The following DIP2C variants were observed in gnomAD, a reference collection of about 807,000 sequenced individuals.
DIP2C encodes disco-interacting protein 2 homolog C.
A neutral mutation model predicts 192.4 loss-of-function variants in DIP2C; 33 were observed. The observed-to-expected ratio is 0.17, with a 90% CI of 0.13 to 0.23. The LOEUF is 0.23. DIP2C is among the 10% of genes least tolerant of loss of function. The pLI, the probability that DIP2C is intolerant of heterozygous loss-of-function variation, is 1.00. For synonymous variants in DIP2C, 979 were observed against 864.1 expected, an observed-to-expected ratio of 1.13 and a Z score of -2.33; for missense variants, 1,537 against 2,110.1, an observed-to-expected ratio of 0.73 and a Z score of 5.32.
intron 1 of DIP2C, among the ~76,000 whole-genome samples, chr10:643,486 C>A (rs1354120271): frequency 1.3e-5 from 2 of 152,150 alleles, no homozygotes; most frequent in Non-Finnish European, 2.9e-5. Flanking sequence ...TGCACTCCAG[C>A]CTGGGTGACA....
At chr10:449,960 T>C (rs974772766) in intron 3 of DIP2C, among the ~76,000 whole-genome samples, 1 of 151,014 alleles carries the variant, frequency 6.6e-6, no homozygotes, top group Non-Finnish European at 1.5e-5. Flanking sequence ...CAAGATATCA[T>C]TGTGAGATTG....
chr10:338,752 C>T (rs1024216633), intron 29 of DIP2C, among the ~76,000 whole-genome samples: 2 of 152,164 alleles, frequency 1.3e-5, no homozygotes, highest in African/African-American at 4.8e-5. Context: ...GACTCCCCCA[C>T]GCTGCACCCT....
intron 1 of DIP2C, among the ~76,000 whole-genome samples, chr10:562,804 ACACT>A (rs1163821267): frequency 1.3e-5 from 2 of 152,248 alleles, no homozygotes; most frequent in Non-Finnish European, 2.9e-5. Context: ...TGGAGAGGAC[ACACT>A]CAACACAGAA....
In DIP2C at chr10:275,617, T is replaced by C. The variant is rs1482880145; in HGVS notation, c.*1708A>G. The C allele has an allele frequency of 6.6e-6, 1 of 151,894 alleles. No homozygotes were observed. The highest frequency in any genetic ancestry group is 1.5e-5 in the Non-Finnish European group (1 of 67,960). 9.4% of individuals were successfully genotyped at this position (151,894 alleles called of 1,614,324 possible). ...CAACATAATGAAAGATCATCTACAT[T>C]TTGCCCAGCATCAATCTTAGTCATG... On this transcript the variant is annotated 3_prime_UTR_variant, in exon 37 of 37. Coordinates refer to ENST00000280886, the MANE Select transcript of DIP2C (RefSeq NM_014974.3).
At chr10:650,724 C>T in intron 1 of DIP2C, 1 of 634,346 alleles carries the variant, frequency 1.6e-6, no homozygotes, top group South Asian at 1.9e-5. Context: ...GTGCTCTGGG[C>T]CGACCCCCCC....
intron 1 of DIP2C, among the ~76,000 whole-genome samples, chr10:619,529 G>GCCCT (rs1328461092): frequency 0.013 from 293 of 22,032 alleles, 3 homozygotes; most frequent in African/African-American, 0.058. Flanking sequence ...CCAGGACCAA[G>GCCCT]CCCGCCCGCC....
At chr10:448,578 T>TCAGGATCA (rs1309756788) in intron 3 of DIP2C, among the ~76,000 whole-genome samples, 1 of 125,174 alleles carries the variant, frequency 8.0e-6, no homozygotes, top group African/African-American at 3.0e-5. Context: ...CCGTTGATAC[T>TCAGGATCA]CAGGATCACA....
At chr10:395,517 C>A (rs1362271193) in intron 10 of DIP2C, among the ~76,000 whole-genome samples, 1 of 152,206 alleles carries the variant, frequency 6.6e-6, no homozygotes, top group Non-Finnish European at 1.5e-5. Flanking sequence ...CTGTACTTCA[C>A]CTGTGAAATC....
chr10:366,446 A>AGG (rs1312957668), intron 18 of DIP2C, 35 bp from the exon 19 acceptor site: 1 of 1,613,334 alleles, frequency 6.2e-7, no homozygotes, highest in Non-Finnish European at 8.5e-7. Flanking sequence ...GCAGTGTGAG[A>AGG]GGGGGCAGGT....
intron 1 of DIP2C, among the ~76,000 whole-genome samples, chr10:685,907 G>T (rs1230278896): frequency 1.3e-5 from 2 of 152,058 alleles, no homozygotes; most frequent in Non-Finnish European, 2.9e-5. Flanking sequence ...GTTGCAGTGA[G>T]TTGAGCTCAT....
intron 1 of DIP2C, among the ~76,000 whole-genome samples, chr10:656,005 G>A (rs1298873411): frequency 6.6e-6 from 1 of 151,024 alleles, no homozygotes; most frequent in Admixed American, 6.6e-5. Context: ...ACTATATAAT[G>A]TTACACTGTT....
At chr10:505,293 C>T (rs1217229266) in intron 1 of DIP2C, among the ~76,000 whole-genome samples, 2 of 151,860 alleles carry the variant, frequency 1.3e-5, no homozygotes, top group Admixed American at 6.6e-5. Flanking sequence ...CAGATATACA[C>T]GCAGGAGCTA....
At chr10:541,538 G>C (rs530985739) in intron 1 of DIP2C, among the ~76,000 whole-genome samples, 8 of 116,240 alleles carry the variant, frequency 6.9e-5, no homozygotes, top group East Asian at 2.6e-4. Flanking sequence ...ATCTCTCCTC[G>C]ACCCCACAGT....
At position 437,149 on chromosome 10, in the gene DIP2C, G is replaced by A. The variant is rs1284466276; in HGVS notation, c.394+3722C>T. On this transcript the variant is annotated intron_variant, in intron 4 of 36. Coordinates refer to ENST00000280886, the MANE Select transcript of DIP2C (RefSeq NM_014974.3). ...CGTCCACACCTGAGCTCTGAGCTCC[G>A]CCTCCTGGACATGGTAGGGTGATAT... is the stretch of plus-strand genomic sequence containing the variant. 3.5e-4 allele frequency among the ~76,000 whole-genome samples: 43 copies of A among 123,770 alleles called. 2 individuals carry two copies. Among genetic ancestry groups the A allele is most frequent in the African/African-American group, 1.0e-3 (29 of 28,994 alleles). 81.2% of individuals were successfully genotyped at this position (123,770 alleles called of 152,430 possible). A position where few individuals can be genotyped will look rare whatever the true frequency, so the allele number is the denominator to read the frequency against.
intron 1 of DIP2C, among the ~76,000 whole-genome samples, chr10:533,557 T>A (rs1847534658): frequency 6.6e-6 from 1 of 150,782 alleles, no homozygotes; most frequent in Non-Finnish European, 1.5e-5. Flanking sequence ...GGAAAACATC[T>A]CAGGACCCCA....
At chr10:579,975 TG>T (rs1850495577) in intron 1 of DIP2C, among the ~76,000 whole-genome samples, 1 of 151,644 alleles carries the variant, frequency 6.6e-6, no homozygotes, top group Non-Finnish European at 1.5e-5. Context: ...CCATAGCCAA[TG>T]TACATATACA....
At chr10:544,552 C>T (rs1412240178) in intron 1 of DIP2C, among the ~76,000 whole-genome samples, 1 of 152,216 alleles carries the variant, frequency 6.6e-6, no homozygotes, top group Non-Finnish European at 1.5e-5. Flanking sequence ...TCCCCTCCCA[C>T]TAGCAATATA....
intron 31 of DIP2C, among the ~76,000 whole-genome samples, chr10:326,390 G>A (rs1027969096): frequency 1.3e-5 from 2 of 152,086 alleles, no homozygotes; most frequent in Admixed American, 1.3e-4. Context: ...AGTAGGATAG[G>A]GGGTGGGGAG....
In DIP2C at chr10:356,346, G is replaced by C. The variant is rs1959080509; in HGVS notation, c.2985+80C>G. 1.0e-5 allele frequency: 15 copies of C among 1,488,166 alleles called. No individual in the cohort carries two copies. In the East Asian group the frequency reaches 3.2e-4, roughly 31 times the overall value. The allele number at this position is 1,488,166 out of a possible 1,614,324, so 92.2% of individuals were successfully genotyped here. A position where few individuals can be genotyped will look rare whatever the true frequency, so the allele number is the denominator to read the frequency against. ...TAAGACTGAAGCAAAAGGATTCAAAGAAAGAAGCAGGAGCGCTCCCAGGAA... is the reference window on the plus strand; with the variant it reads ...TAAGACTGAAGCAAAAGGATTCAAACAAAGAAGCAGGAGCGCTCCCAGGAA... On this transcript the variant is annotated intron_variant, in intron 24 of 36. Transcript: ENST00000280886.
Sources: allele counts gnomAD v4.1 joint callset (sites outside exome capture counted in the v4.1 genomes callset), GRCh38; gene constraint gnomAD v4.1.1; transcripts MANE v1.5; gene names NCBI Gene and HGNC (gene_info 2026-07-23, HGNC 2026-07-21).